Variants in TSC22D1 observed in about 807,000 individuals in gnomAD.
The protein encoded by TSC22D1 is TSC22 domain family protein 1.
TSC22D1 carries 9 observed loss-of-function variants against 74.2 expected under a neutral mutation model. The ratio of observed to expected loss-of-function variants is 0.12; its 90% CI spans 0.07 to 0.21. The LOEUF (loss-of-function observed/expected upper bound fraction) is 0.21, where lower values mean the gene tolerates loss of function less well. TSC22D1 is among the 10% of genes least tolerant of loss of function. The pLI, the probability that TSC22D1 is intolerant of heterozygous loss-of-function variation, is 1.00. For missense variants in TSC22D1, 1,427 were observed against 1,304.7 expected, an observed-to-expected ratio of 1.09 and a Z score of -1.44; for synonymous variants, 586 against 492.5, an observed-to-expected ratio of 1.19 and a Z score of -2.51.
intron 1 of TSC22D1, among the ~76,000 whole-genome samples, chr13:44,493,049 C>A (rs1878799385): frequency 6.6e-6 from 1 of 152,144 alleles, no homozygotes; most frequent in Non-Finnish European, 1.5e-5. Flanking sequence ...ACCAATGGCC[C>A]TTCCCTCCAG....
chr13:44,521,354 C>T (rs950560762), intron 1 of TSC22D1, among the ~76,000 whole-genome samples: 1 of 152,032 alleles, frequency 6.6e-6, no homozygotes, highest in Non-Finnish European at 1.5e-5. Context: ...ATTACTGTAT[C>T]ATTTGTGGGG....
chr13:44,566,311 T>C (rs1476701067), intron 1 of TSC22D1, among the ~76,000 whole-genome samples: 2 of 152,112 alleles, frequency 1.3e-5, no homozygotes, highest in Non-Finnish European at 2.9e-5. Flanking sequence ...CTTAGACAAC[T>C]TGCCCTCTCT....
intron 1 of TSC22D1, among the ~76,000 whole-genome samples, chr13:44,448,891 CCG>C (rs1875896215): frequency 2.2e-5 from 1 of 46,004 alleles, no homozygotes; most frequent in African/African-American, 7.2e-5. Flanking sequence ...AATTCTAGAT[CCG>C]TGTGTGTGTG....
chr13:44,456,185 GAGC>G (rs1173275337), intron 1 of TSC22D1, among the ~76,000 whole-genome samples: 1 of 152,180 alleles, frequency 6.6e-6, no homozygotes, highest in Non-Finnish European at 1.5e-5. Flanking sequence ...CCCAAAAAGT[GAGC>G]AGCAGCAAGA....
At chr13:44,436,376 A>T (rs1304665738) in intron 1 of TSC22D1, 7 of 1,290,104 alleles carry the variant, frequency 5.4e-6, no homozygotes, top group African/African-American at 1.5e-5. Flanking sequence ...TAACATTTCG[A>T]AAAACAACAT....
chr13:44,548,861 T>C (rs1014224755), intron 1 of TSC22D1, among the ~76,000 whole-genome samples: 2 of 152,180 alleles, frequency 1.3e-5, no homozygotes, highest in African/African-American at 2.4e-5. Flanking sequence ...GCATAACAAA[T>C]ATATAAGATA....
At chr13:44,554,745 C>A (rs1178947333) in intron 1 of TSC22D1, among the ~76,000 whole-genome samples, 2 of 151,332 alleles carry the variant, frequency 1.3e-5, no homozygotes, top group African/African-American at 4.9e-5. Context: ...TAGATAAATT[C>A]GCTGATGCAG....
At chr13:44,543,642 A>G (rs1199450700) in intron 1 of TSC22D1, among the ~76,000 whole-genome samples, 2 of 152,232 alleles carry the variant, frequency 1.3e-5, no homozygotes, top group African/African-American at 2.4e-5. Context: ...GACCCTAGAA[A>G]AGTGCTTGGC....
intron 1 of TSC22D1, among the ~76,000 whole-genome samples, chr13:44,560,032 C>T (rs1310293795): frequency 1.3e-5 from 2 of 152,088 alleles, no homozygotes; most frequent in Non-Finnish European, 2.9e-5. Context: ...CAAAAGCTTC[C>T]TTATGAAAGA....
At chr13:44,487,910 T>A (rs981599707) in intron 1 of TSC22D1, among the ~76,000 whole-genome samples, 4 of 151,808 alleles carry the variant, frequency 2.6e-5, no homozygotes, top group Non-Finnish European at 5.9e-5. Context: ...ATACAAAAAT[T>A]AGCTGGGCGT....
At chr13:44,512,476 T>C (rs953891391) in intron 1 of TSC22D1, among the ~76,000 whole-genome samples, 4 of 151,770 alleles carry the variant, frequency 2.6e-5, no homozygotes, top group African/African-American at 9.7e-5. Context: ...GCCTTGGATA[T>C]TTATTTCAAA....
At chr13:44,440,837 T>C (rs555508136) in intron 1 of TSC22D1, among the ~76,000 whole-genome samples, 11 of 151,906 alleles carry the variant, frequency 7.2e-5, no homozygotes, top group Non-Finnish European at 1.5e-4. Flanking sequence ...TCACTAGGCA[T>C]AGAGAGAAAA....
At chr13:44,571,672 G>T (rs911751712) in intron 1 of TSC22D1, among the ~76,000 whole-genome samples, 1 of 152,042 alleles carries the variant, frequency 6.6e-6, no homozygotes, top group Non-Finnish European at 1.5e-5. Flanking sequence ...TTTAAAATTA[G>T]TTGAGTATTA....
At chr13:44,524,740 T>A (rs774233069) in intron 1 of TSC22D1, among the ~76,000 whole-genome samples, 2 of 152,218 alleles carry the variant, frequency 1.3e-5, no homozygotes, top group Non-Finnish European at 2.9e-5. Context: ...GGTTTCACCA[T>A]GTTGGCTAGG....
intron 1 of TSC22D1, among the ~76,000 whole-genome samples, chr13:44,571,070 C>A (rs1190523624): frequency 6.6e-6 from 1 of 152,112 alleles, no homozygotes; most frequent in African/African-American, 2.4e-5. Context: ...TTTTTAATCA[C>A]GAAACTTTGA....
intron 1 of TSC22D1, among the ~76,000 whole-genome samples, chr13:44,543,937 C>CA (rs756716902): frequency 1.3e-5 from 2 of 151,976 alleles, no homozygotes; most frequent in South Asian, 4.2e-4. Flanking sequence ...ACTAAAAATA[C>CA]AAAAAATTAG....
At position 44,435,908 on chromosome 13, in the gene TSC22D1, G is replaced by A. The variant is rs1030874971; in HGVS notation, c.2964+136C>T. On this transcript the variant is annotated intron_variant, in intron 2 of 2. Coordinates refer to ENST00000458659, the MANE Select transcript of TSC22D1 (RefSeq NM_183422.4). ...TAGGTGGCTCCACGCTGGCCGAATGGAGACAGCGCCGGCATTTCTACGCGC... is the reference window on the plus strand; with the variant it reads ...TAGGTGGCTCCACGCTGGCCGAATGAAGACAGCGCCGGCATTTCTACGCGC... 30 of 962,462 alleles carry A rather than the reference G, an allele frequency of 3.1e-5. No individual in the cohort carries two copies. In the South Asian group the frequency reaches 3.9e-4, roughly 13 times the overall value. 59.6% of individuals were successfully genotyped at this position (962,462 alleles called of 1,614,324 possible).
intron 1 of TSC22D1, among the ~76,000 whole-genome samples, chr13:44,488,051 C>CT (rs34367836): frequency 0.36 from 55,010 of 151,952 alleles, 10,034 homozygotes; most frequent in Non-Finnish European, 0.39. Context: ...GATCAAGACT[C>CT]TGTCTCAAAA....
intron 1 of TSC22D1, among the ~76,000 whole-genome samples, chr13:44,453,106 G>T (rs1418668634): frequency 6.6e-6 from 1 of 152,170 alleles, no homozygotes; most frequent in Non-Finnish European, 1.5e-5. Context: ...TGATTTAAAA[G>T]GTGCATGTAA....
Sources: allele counts gnomAD v4.1 joint callset (sites outside exome capture counted in the v4.1 genomes callset), GRCh38; gene constraint gnomAD v4.1.1; transcripts MANE v1.5; gene names NCBI Gene and HGNC (gene_info 2026-07-23, HGNC 2026-07-21).